The following ARSG variants were observed in gnomAD, a reference collection of about 807,000 sequenced individuals.
ARSG encodes the protein ASG.
Under a neutral mutation model 50.5 loss-of-function variants are expected in ARSG, and 37 were observed. The ratio of observed to expected loss-of-function variants is 0.73; its 90% CI spans 0.56 to 0.96. The LOEUF is 0.96. ARSG is among the 50% of genes least tolerant of loss of function. The probability of loss-of-function intolerance (pLI) is 0.00; values close to 1 mark genes in which losing one functional copy is unlikely to be tolerated. For missense variants in ARSG, 629 were observed against 675.3 expected (o/e 0.93, Z 0.76); for synonymous variants, 225 against 254.6 (o/e 0.88, Z 1.11).
chr17:68,415,026 A>G (rs1328554623), intron 11 of ARSG, among the ~76,000 whole-genome samples: 1 of 151,690 alleles, frequency 6.6e-6, no homozygotes, highest in African/African-American at 2.4e-5. Flanking sequence ...TTTCAATTTC[A>G]TTTAGTTCTG....
intron 1 of ARSG, among the ~76,000 whole-genome samples, chr17:68,306,354 T>C (rs1256782672): frequency 2.0e-5 from 3 of 151,886 alleles, no homozygotes; most frequent in African/African-American, 7.3e-5. Context: ...GATTGTGCCA[T>C]TGCACTCCAG....
At chr17:68,262,977 G>A (rs2075096916) in intron 1 of ARSG, among the ~76,000 whole-genome samples, 1 of 152,202 alleles carries the variant, frequency 6.6e-6, no homozygotes, top group Admixed American at 6.5e-5. Context: ...TTGAATTCTA[G>A]GGTGTATAAG....
chr17:68,287,312 C>A (rs1219995683), upstream of ARSG, among the ~76,000 whole-genome samples: 2 of 151,812 alleles, frequency 1.3e-5, no homozygotes, highest in African/African-American at 4.8e-5. Flanking sequence ...CCAGCATGCC[C>A]AGCCTTCTTC....
chr17:68,396,843 A>G (rs2081270594), intron 10 of ARSG, among the ~76,000 whole-genome samples: 1 of 152,198 alleles, frequency 6.6e-6, no homozygotes, highest in South Asian at 2.1e-4. Flanking sequence ...CTAGAGCTGC[A>G]GACCCTTCCA....
chr17:68,412,095 T>C (rs2082034189), intron 11 of ARSG, among the ~76,000 whole-genome samples: 1 of 152,274 alleles, frequency 6.6e-6, no homozygotes, highest in Non-Finnish European at 1.5e-5. Flanking sequence ...CTGTGTCTTT[T>C]AATTGGAGCA....
intron 2 of ARSG, among the ~76,000 whole-genome samples, chr17:68,343,123 G>A (rs1277779303): frequency 4.6e-5 from 7 of 152,102 alleles, no homozygotes; most frequent in Non-Finnish European, 4.4e-5. Context: ...TCTTTTTCCT[G>A]AAACCCAGAA....
chr17:68,421,669 C>A, downstream of ARSG: 2 of 1,521,930 alleles, frequency 1.3e-6, no homozygotes. Flanking sequence ...GGATTCCTGC[C>A]CCCCTTTCTG....
rs1474583465 is a variant in ARSG at position 68,262,425 on chromosome 17, T to C, written c.-552+2999T>C. On this transcript the variant is annotated intron_variant, in intron 1 of 11. Transcript: ENST00000448504. The stretch of plus-strand genomic sequence containing the variant: ...GGCGGAGGTTGCAGTGAGCCAAGAT[T>C]GCACCACTGCACTCCAACCTGGGCG... 1.8e-4 allele frequency among the ~76,000 whole-genome samples: 27 copies of C among 152,004 alleles called. 1 individual carries two copies. The highest frequency in any genetic ancestry group is 2.9e-4 in the Non-Finnish European group (20 of 67,940).
At chr17:68,311,903 C>T (rs1012660233) in intron 2 of ARSG, among the ~76,000 whole-genome samples, 1 of 150,480 alleles carries the variant, frequency 6.6e-6, no homozygotes, top group Non-Finnish European at 1.5e-5. Flanking sequence ...CAGGTTCAAG[C>T]GATTCTCCAG....
chr17:68,373,309 A>G (rs890091824), intron 8 of ARSG, among the ~76,000 whole-genome samples: 2 of 151,248 alleles, frequency 1.3e-5, no homozygotes, highest in Non-Finnish European at 2.9e-5. Context: ...GGCTCACTGC[A>G]ACCTCCGCCT....
intron 5 of ARSG, among the ~76,000 whole-genome samples, chr17:68,353,728 G>A (rs1312452659): frequency 1.3e-5 from 2 of 152,154 alleles, no homozygotes; most frequent in East Asian, 3.9e-4. Flanking sequence ...GAAGGATGGA[G>A]TCTCGTTCTG....
Position 68,368,750 on chromosome 17 carries a change from G to A in ARSG, c.901+6G>A. 3 of 1,610,960 alleles carry A rather than the reference G, an allele frequency of 1.9e-6. No individual in the cohort carries two copies. The highest frequency in any genetic ancestry group is 1.7e-6 in the Non-Finnish European group (2 of 1,179,256). On this transcript the variant is annotated splice_donor_region_variant and intron_variant, in intron 7 of 11. Coordinates refer to ENST00000621439, the MANE Select transcript of ARSG (RefSeq NM_001267727.2). ...CACATTCCTCTGGTTTACAGGTAAAGTAGTAAAAGCCAGCCAGCCTAACTG... is the reference window on the plus strand; with the variant it reads ...CACATTCCTCTGGTTTACAGGTAAAATAGTAAAAGCCAGCCAGCCTAACTG...
intron 1 of ARSG, among the ~76,000 whole-genome samples, chr17:68,293,591 C>A (rs1375208687): frequency 2.0e-5 from 3 of 151,788 alleles, no homozygotes; most frequent in African/African-American, 7.3e-5. Flanking sequence ...TTGCTTTGTC[C>A]TCAACACTGC....
chr17:68,270,062 T>C (rs1212978570), intron 1 of ARSG, among the ~76,000 whole-genome samples: 2 of 152,222 alleles, frequency 1.3e-5, no homozygotes, highest in Admixed American at 6.5e-5. Context: ...AACATACCTA[T>C]GTCCCTCCTA....
At chr17:68,298,654 C>A (rs1370239089) in intron 1 of ARSG, among the ~76,000 whole-genome samples, 2 of 140,320 alleles carry the variant, frequency 1.4e-5, no homozygotes, top group Non-Finnish European at 3.1e-5. Flanking sequence ...CAGAAATTTA[C>A]AAAAATACAG....
the ARSG span, among the ~76,000 whole-genome samples, chr17:68,435,961 T>C: frequency 6.6e-6 from 1 of 152,254 alleles, no homozygotes; most frequent in Admixed American, 6.5e-5. Context: ...GAGCACCTGA[T>C]GCAGTGTGAT....
chr17:68,364,354 T>TTTGTTG (rs969270133), intron 6 of ARSG, among the ~76,000 whole-genome samples: 1 of 152,028 alleles, frequency 6.6e-6, no homozygotes, highest in African/African-American at 2.4e-5. Flanking sequence ...TAACCTGTTT[T>TTTGTTG]TTGTTGTTGT....
chr17:68,373,683 A>G (rs2079983024), intron 8 of ARSG, among the ~76,000 whole-genome samples: 1 of 152,126 alleles, frequency 6.6e-6, no homozygotes, highest in African/African-American at 2.4e-5. Flanking sequence ...TTCAGTGACC[A>G]GATTATTTTA....
chr17:68,450,868 G>T, the ARSG span: 1 of 1,613,680 alleles, frequency 6.2e-7, no homozygotes, highest in South Asian at 1.1e-5. Context: ...GAGAAGAGGC[G>T]CTCCACGATG....
Sources: gnomAD v4.1 joint callset for allele counts (sites outside exome capture counted in the v4.1 genomes callset) on GRCh38, gnomAD v4.1.1 for gene constraint, MANE v1.5 for transcripts, NCBI Gene and HGNC (gene_info 2026-07-23, HGNC 2026-07-21) for gene names.